The following CUL4A variants were observed in gnomAD, a reference collection of about 807,000 sequenced individuals.
CUL4A encodes cullin-4A.
Under a neutral mutation model 95.5 loss-of-function variants are expected in CUL4A, and 16 were observed. The observed-to-expected ratio is 0.17, with a 90% CI of 0.11 to 0.25. The LOEUF (loss-of-function observed/expected upper bound fraction) is 0.25. CUL4A is among the 10% of genes least tolerant of loss of function. The pLI, the probability that CUL4A is intolerant of heterozygous loss-of-function variation, is 1.00. For synonymous variants in CUL4A, 380 were observed against 353.1 expected (o/e 1.08, Z -0.85); for missense variants, 610 against 937.0 (o/e 0.65, Z 4.56).
At chr13:113,218,823 A>G in intron 2 of CUL4A, 122 bp from the exon 3 acceptor site, 1 of 608,174 alleles carries the variant, frequency 1.6e-6, no homozygotes, top group Non-Finnish European at 2.9e-6. Flanking sequence ...AGATTCCTGA[A>G]GTACTGGGGT....
chr13:113,229,734 T>A, intron 5 of CUL4A: 1 of 534,238 alleles, frequency 1.9e-6, no homozygotes, highest in Non-Finnish European at 3.3e-6. Flanking sequence ...AGCAGGAAGC[T>A]CGGACAGGCG....
intron 3 of CUL4A, chr13:113,219,948 G>A (rs559708221): frequency 6.6e-6 from 1 of 152,336 alleles, no homozygotes; most frequent in South Asian, 2.1e-4. Flanking sequence ...CAGTACTGTA[G>A]CTGTCCATGT....
intron 5 of CUL4A, among the ~76,000 whole-genome samples, chr13:113,232,920 C>T (rs1291875592): frequency 2.0e-5 from 3 of 152,134 alleles, no homozygotes; most frequent in Admixed American, 2.0e-4. Flanking sequence ...TGTGTGATAC[C>T]AGTTTTACTG....
chr13:113,257,263 T>C (rs1414242258), intron 18 of CUL4A, among the ~76,000 whole-genome samples: 1 of 152,116 alleles, frequency 6.6e-6, no homozygotes, highest in African/African-American at 2.4e-5. Flanking sequence ...GTTGTTTTTA[T>C]TGGTTTTTTT....
chr13:113,254,464 A>G (rs1216956556), intron 16 of CUL4A, among the ~76,000 whole-genome samples: 1 of 152,042 alleles, frequency 6.6e-6, no homozygotes, highest in African/African-American at 2.4e-5. Flanking sequence ...CGGGCTTGGT[A>G]GGCACCAGTA....
chr13:113,232,188 TGCCACCACTACCCGC>T (rs1566343681), intron 5 of CUL4A, among the ~76,000 whole-genome samples: 179 of 7,988 alleles, frequency 0.022, 62 homozygotes, highest in African/African-American at 0.059. Context: ...CCATTACTGC[TGCCACCACTACCCGC>T]CCACCACCAT....
intron 9 of CUL4A, among the ~76,000 whole-genome samples, chr13:113,239,123 C>T (rs893638511): frequency 1.3e-5 from 2 of 152,170 alleles, no homozygotes; most frequent in Non-Finnish European, 2.9e-5. Flanking sequence ...GAACATGAAC[C>T]TCCCAGGTTA....
At chr13:113,233,561 A>G (rs1050800465) in intron 6 of CUL4A, among the ~76,000 whole-genome samples, 2 of 152,208 alleles carry the variant, frequency 1.3e-5, no homozygotes, top group African/African-American at 4.8e-5. Context: ...ATGCACGGAT[A>G]GATCAATATC....
Position 113,218,846 on chromosome 13 carries a change from G to A in CUL4A, c.265-99G>A, listed in dbSNP as rs566756725. On this transcript the variant is annotated intron_variant, in intron 2 of 19. Coordinates refer to ENST00000375440, the MANE Select transcript of CUL4A (RefSeq NM_001008895.4). ...GAAGTACTGGGGTAGGGTGTGGGGT[G>A]CCTTTTTCTTATGATTACAGCTATG... The A allele has an allele frequency of 3.4e-5, 24 of 715,596 alleles. No individual in the cohort carries two copies. In the South Asian group the frequency reaches 4.3e-4, roughly 13 times the overall value. The allele number at this position is 715,596 out of a possible 1,614,324, so 44.3% of individuals were successfully genotyped here. A position where few individuals can be genotyped will look rare whatever the true frequency, so the allele number is the denominator to read the frequency against.
chr13:113,255,387 G>A (rs561997627), intron 18 of CUL4A, among the ~76,000 whole-genome samples: 1 of 152,224 alleles, frequency 6.6e-6, no homozygotes, highest in South Asian at 2.1e-4. Flanking sequence ...ACTCCCCATG[G>A]TCATAGGGTT....
intron 15 of CUL4A, among the ~76,000 whole-genome samples, chr13:113,247,979 A>G (rs936642078): frequency 6.6e-6 from 1 of 152,190 alleles, no homozygotes; most frequent in East Asian, 1.9e-4. Flanking sequence ...CAGGTTGGGC[A>G]GGTCCAGCCA....
At chr13:113,221,326 G>A (rs2040889098) in intron 3 of CUL4A, among the ~76,000 whole-genome samples, 1 of 152,170 alleles carries the variant, frequency 6.6e-6, no homozygotes, top group African/African-American at 2.4e-5. Context: ...TGTTCATGGA[G>A]GTCACTCTGG....
intron 3 of CUL4A, among the ~76,000 whole-genome samples, chr13:113,220,095 G>C (rs1164226272): frequency 2.0e-5 from 3 of 152,184 alleles, no homozygotes; most frequent in Non-Finnish European, 2.9e-5. Context: ...TGTTCTTCTA[G>C]TTCAAGGAAA....
chr13:113,222,036 C>T (rs1475771799), intron 3 of CUL4A, among the ~76,000 whole-genome samples: 1 of 152,194 alleles, frequency 6.6e-6, no homozygotes, highest in Non-Finnish European at 1.5e-5. Context: ...GCCAAGGTGG[C>T]ACAGGCCAGG....
intron 15 of CUL4A, among the ~76,000 whole-genome samples, chr13:113,251,365 C>T (rs1404982428): frequency 1.3e-5 from 2 of 152,192 alleles, no homozygotes; most frequent in Admixed American, 6.5e-5. Context: ...GGGAGGGGCA[C>T]AGGCCAGGTC....
chr13:113,236,283 C>CT (rs1320476129), intron 8 of CUL4A, among the ~76,000 whole-genome samples: 1 of 152,128 alleles, frequency 6.6e-6, no homozygotes, highest in Non-Finnish European at 1.5e-5. Flanking sequence ...CCATGTTGTG[C>CT]TTCCTTCCAA....
chr13:113,237,731 A>C (rs1190481835), intron 9 of CUL4A, among the ~76,000 whole-genome samples: 1 of 152,240 alleles, frequency 6.6e-6, no homozygotes, highest in Non-Finnish European at 1.5e-5. Flanking sequence ...CTTAAAGTTT[A>C]ATTTTGAGAA....
intron 18 of CUL4A, among the ~76,000 whole-genome samples, chr13:113,257,024 A>G (rs939218990): frequency 1.4e-5 from 2 of 138,040 alleles, no homozygotes; most frequent in African/African-American, 5.5e-5. Context: ...CTCCGGGTTC[A>G]AGCGATTCTC....
intron 2 of CUL4A, among the ~76,000 whole-genome samples, chr13:113,214,901 T>C (rs530776103): frequency 6.6e-6 from 1 of 152,156 alleles, no homozygotes; most frequent in East Asian, 1.9e-4. Context: ...TATGTGACTA[T>C]GGAGGTCTCG....
Sources: gnomAD v4.1 joint callset for allele counts (sites outside exome capture counted in the v4.1 genomes callset) on GRCh38, gnomAD v4.1.1 for gene constraint, MANE v1.5 for transcripts, NCBI Gene and HGNC (gene_info 2026-07-23, HGNC 2026-07-21) for gene names.